SNTG1: variants seen among roughly 807,000 people sequenced by gnomAD.
SNTG1 encodes syntrophin gamma 1, also known as gamma-1-syntrophin.
SNTG1 carries 39 observed loss-of-function variants against 74.7 expected under a neutral mutation model. The observed-to-expected ratio is 0.52, with a 90% CI of 0.40 to 0.68. The LOEUF (loss-of-function observed/expected upper bound fraction) is 0.68. SNTG1 is among the 30% of genes least tolerant of loss of function. The probability of loss-of-function intolerance (pLI) is 0.00; values close to 1 mark genes in which losing one functional copy is unlikely to be tolerated. For missense variants in SNTG1, 685 were observed against 609.5 expected, an observed-to-expected ratio of 1.12 and a Z score of -1.30; for synonymous variants, 254 against 217.1, an observed-to-expected ratio of 1.17 and a Z score of -1.49.
intron 18 of SNTG1, among the ~76,000 whole-genome samples, chr8:50,773,339 C>A (rs1471246597): frequency 3.9e-5 from 6 of 152,054 alleles, no homozygotes; most frequent in African/African-American, 1.4e-4. Context: ...ATGTGCCGAG[C>A]TATGCACATG....
At chr8:50,203,395 G>T (rs58229776) in intron 2 of SNTG1, among the ~76,000 whole-genome samples, 19,016 of 152,102 alleles carry the variant, frequency 0.13, 3,881 homozygotes, top group African/African-American at 0.43. Context: ...CAGATTTCAG[G>T]TGACAGTTTG....
intron 2 of SNTG1, among the ~76,000 whole-genome samples, chr8:50,299,674 T>C (rs1427738621): frequency 6.6e-6 from 1 of 152,158 alleles, no homozygotes; most frequent in East Asian, 1.9e-4. Context: ...TTATAATCAA[T>C]ATGAACATTA....
At chr8:49,988,748 C>A (rs1813405327) in intron 1 of SNTG1, among the ~76,000 whole-genome samples, 1 of 151,874 alleles carries the variant, frequency 6.6e-6, no homozygotes, top group Non-Finnish European at 1.5e-5. Flanking sequence ...CACACAAAAG[C>A]TTATTAATGC....
At chr8:50,395,276 T>G (rs1338512487) in intron 3 of SNTG1, among the ~76,000 whole-genome samples, 1 of 152,204 alleles carries the variant, frequency 6.6e-6, no homozygotes, top group Admixed American at 6.5e-5. Context: ...GTTTCTACTT[T>G]TAATGCTTTA....
At chr8:50,725,174 AT>A (rs1311844323) in intron 17 of SNTG1, among the ~76,000 whole-genome samples, 2 of 152,174 alleles carry the variant, frequency 1.3e-5, no homozygotes, top group Non-Finnish European at 1.5e-5. Flanking sequence ...AGATCAACTT[AT>A]TTGGGCGACG....
intron 1 of SNTG1, among the ~76,000 whole-genome samples, chr8:49,959,243 A>G (rs945611125): frequency 6.6e-6 from 1 of 152,212 alleles, no homozygotes; most frequent in African/African-American, 2.4e-5. Flanking sequence ...GTCCCTGGGA[A>G]AGAGCATGCT....
chr8:49,970,605 T>C (rs1029275429), intron 1 of SNTG1, among the ~76,000 whole-genome samples: 1 of 152,210 alleles, frequency 6.6e-6, no homozygotes, highest in African/African-American at 2.4e-5. Flanking sequence ...TGTTTTTATT[T>C]GTCCTCTATT....
intron 4 of SNTG1, among the ~76,000 whole-genome samples, chr8:50,425,218 T>G (rs2093146447): frequency 6.8e-6 from 1 of 146,754 alleles, no homozygotes; most frequent in Admixed American, 7.0e-5. Context: ...ATTAGACTTT[T>G]AACACAGGGG....
chr8:50,774,244 T>A (rs960026140), intron 18 of SNTG1, among the ~76,000 whole-genome samples: 3 of 151,870 alleles, frequency 2.0e-5, no homozygotes, highest in African/African-American at 7.2e-5. Flanking sequence ...TCAAATTTAA[T>A]ATTAATATAC....
At chr8:50,602,259 T>C (rs2130936259) in intron 13 of SNTG1, among the ~76,000 whole-genome samples, 1 of 150,042 alleles carries the variant, frequency 6.7e-6, no homozygotes, top group South Asian at 2.1e-4. Context: ...TTTAAATTCT[T>C]TTTTATATTA....
intron 15 of SNTG1, among the ~76,000 whole-genome samples, chr8:50,671,268 G>A (rs964048456): frequency 6.6e-6 from 1 of 151,542 alleles, no homozygotes; most frequent in East Asian, 1.9e-4. Flanking sequence ...CCTACAAAAT[G>A]GGAGAAAATT....
chr8:50,334,375 T>C (rs1481900288), intron 2 of SNTG1, among the ~76,000 whole-genome samples: 1 of 152,158 alleles, frequency 6.6e-6, no homozygotes, highest in Admixed American at 6.5e-5. Flanking sequence ...TGATTTGTTA[T>C]GGCAGCAAAA....
intron 1 of SNTG1, among the ~76,000 whole-genome samples, chr8:50,091,087 A>G (rs2079717353): frequency 1.3e-5 from 2 of 152,144 alleles, no homozygotes; most frequent in Admixed American, 1.3e-4. Context: ...AGTGGCATAG[A>G]TAATTAAAAT....
chr8:50,672,638 C>T (rs987081100), intron 15 of SNTG1, among the ~76,000 whole-genome samples: 1 of 152,044 alleles, frequency 6.6e-6, no homozygotes, highest in African/African-American at 2.4e-5. Flanking sequence ...CTGTAGGTGG[C>T]CTGTTCACTC....
intron 1 of SNTG1, among the ~76,000 whole-genome samples, chr8:50,146,597 G>T (rs1380387671): frequency 6.6e-6 from 1 of 152,102 alleles, no homozygotes; most frequent in Non-Finnish European, 1.5e-5. Flanking sequence ...AGGTAAGGCA[G>T]GCTTACTTAT....
chr8:50,461,174 TGTG>T (rs2093558279), intron 8 of SNTG1, among the ~76,000 whole-genome samples: 1 of 150,324 alleles, frequency 6.7e-6, no homozygotes, highest in Non-Finnish European at 1.5e-5. Context: ...TGTGTGTGTG[TGTG>T]TGTGTGTGTG....
intron 2 of SNTG1, among the ~76,000 whole-genome samples, chr8:50,236,688 G>C (rs186739597): frequency 6.6e-6 from 1 of 151,898 alleles, no homozygotes; most frequent in South Asian, 2.1e-4. Context: ...CTGACCTTGT[G>C]ATCCGCCCGC....
At chr8:50,730,454 CTGTT>C (rs1563788618) in intron 17 of SNTG1, among the ~76,000 whole-genome samples, 2 of 152,150 alleles carry the variant, frequency 1.3e-5, no homozygotes. Flanking sequence ...ACTCAGCACT[CTGTT>C]TGCTCTGACA....
At chr8:50,778,803 C>G (rs1238554221) in intron 18 of SNTG1, among the ~76,000 whole-genome samples, 2 of 151,338 alleles carry the variant, frequency 1.3e-5, no homozygotes, top group Non-Finnish European at 2.9e-5. Flanking sequence ...AATGGTAATG[C>G]CTAGGTTTTC....
Sources: allele counts gnomAD v4.1 joint callset (sites outside exome capture counted in the v4.1 genomes callset), GRCh38; gene constraint gnomAD v4.1.1; transcripts MANE v1.5; gene names NCBI Gene and HGNC (gene_info 2026-07-23, HGNC 2026-07-21).